Variants in MAF observed in about 807,000 individuals in gnomAD.
MAF encodes MAF bZIP transcription factor, also known as transcription factor Maf.
MAF carries 10 observed loss-of-function variants against 22.0 expected under a neutral mutation model. The ratio of observed to expected loss-of-function variants is 0.45; its 90% CI spans 0.28 to 0.77. The LOEUF (loss-of-function observed/expected upper bound fraction) is 0.77, where lower values mean the gene tolerates loss of function less well. Ranked by LOEUF, MAF falls within the 30% of genes least tolerant of loss-of-function variation. MAF has a pLI of 0.12. For synonymous variants in MAF, 337 were observed against 255.8 expected, an observed-to-expected ratio of 1.32 and a Z score of -3.03; for missense variants, 544 against 548.4, an observed-to-expected ratio of 0.99 and a Z score of 0.08.
the MAF span, among the ~76,000 whole-genome samples, chr16:79,344,177 A>G: frequency 2.0e-4 from 30 of 152,266 alleles, no homozygotes; most frequent in African/African-American, 7.0e-4. Context: ...AGGGATGAAA[A>G]TTGCATCTAT....
At chr16:79,480,737 G>C in the MAF span, among the ~76,000 whole-genome samples, 1 of 152,148 alleles carries the variant, frequency 6.6e-6, no homozygotes, top group African/African-American at 2.4e-5. Context: ...TGAACCAAAG[G>C]CTATGTCCCA....
chr16:79,530,714 T>A, the MAF span, among the ~76,000 whole-genome samples: 16 of 152,228 alleles, frequency 1.1e-4, no homozygotes, highest in Non-Finnish European at 2.1e-4. Flanking sequence ...TTGTGAACTT[T>A]CTCTAATGGA....
the MAF span, among the ~76,000 whole-genome samples, chr16:79,377,719 G>T: frequency 6.6e-6 from 1 of 152,202 alleles, no homozygotes; most frequent in East Asian, 1.9e-4. Context: ...GTGTAAGGAA[G>T]AGGTCGAGTT....
the MAF span, among the ~76,000 whole-genome samples, chr16:79,554,334 T>A: frequency 6.6e-6 from 1 of 152,186 alleles, no homozygotes; most frequent in Non-Finnish European, 1.5e-5. Flanking sequence ...TATCCATGTC[T>A]GCTGGTCTCT....
At chr16:79,478,818 G>T in the MAF span, among the ~76,000 whole-genome samples, 1 of 151,906 alleles carries the variant, frequency 6.6e-6, no homozygotes, top group African/African-American at 2.4e-5. Context: ...CACCACCCTG[G>T]CATACCTGTA....
At chr16:79,283,210 A>G in the MAF span, among the ~76,000 whole-genome samples, 3 of 152,186 alleles carry the variant, frequency 2.0e-5, no homozygotes, top group African/African-American at 7.2e-5. Context: ...GAATGGATGA[A>G]TGGATAGGGT....
At chr16:79,411,366 A>G in the MAF span, among the ~76,000 whole-genome samples, 2 of 152,158 alleles carry the variant, frequency 1.3e-5, no homozygotes, top group African/African-American at 4.8e-5. Context: ...TAATTCCTGT[A>G]TTATGAACAC....
At chr16:79,365,728 C>A in the MAF span, among the ~76,000 whole-genome samples, 2 of 152,022 alleles carry the variant, frequency 1.3e-5, no homozygotes, top group Non-Finnish European at 2.9e-5. Context: ...ATCTTCAAGA[C>A]CATGCCACAA....
chr16:79,356,248 C>G, the MAF span, among the ~76,000 whole-genome samples: 1 of 152,082 alleles, frequency 6.6e-6, no homozygotes, highest in Non-Finnish European at 1.5e-5. Flanking sequence ...CATGCTATAC[C>G]CTGCCATCAC....
At chr16:79,493,499 G>C in the MAF span, among the ~76,000 whole-genome samples, 1 of 152,204 alleles carries the variant, frequency 6.6e-6, no homozygotes, top group African/African-American at 2.4e-5. Flanking sequence ...ATTTTTAGTA[G>C]AGACAGGTTT....
the MAF span, among the ~76,000 whole-genome samples, chr16:79,438,009 T>A: frequency 6.6e-6 from 1 of 152,206 alleles, no homozygotes; most frequent in Non-Finnish European, 1.5e-5. Flanking sequence ...CCGGGGCTAC[T>A]ACTGAGCATA....
the MAF span, among the ~76,000 whole-genome samples, chr16:79,339,837 A>G: frequency 1.3e-5 from 2 of 152,214 alleles, no homozygotes; most frequent in African/African-American, 4.8e-5. Flanking sequence ...TAACAAGATT[A>G]TCTCTTTGAG....
the MAF span, chr16:79,211,666 G>C: frequency 9.3e-6 from 15 of 1,614,208 alleles, no homozygotes; most frequent in Non-Finnish European, 1.3e-5. Flanking sequence ...GAGGGTCTGG[G>C]AGGGATGTAC....
At chr16:79,293,743 G>A in the MAF span, among the ~76,000 whole-genome samples, 1 of 151,962 alleles carries the variant, frequency 6.6e-6, no homozygotes, top group Non-Finnish European at 1.5e-5. Flanking sequence ...AAGGGGAAAG[G>A]CAACTTTATC....
the MAF span, among the ~76,000 whole-genome samples, chr16:79,222,684 T>A: frequency 3.3e-5 from 5 of 151,948 alleles, no homozygotes; most frequent in African/African-American, 1.2e-4. Flanking sequence ...ACAGGAAGAT[T>A]TACCAAGCAA....
the MAF span, among the ~76,000 whole-genome samples, chr16:79,508,369 C>T: frequency 6.6e-6 from 1 of 152,180 alleles, no homozygotes; most frequent in Non-Finnish European, 1.5e-5. Flanking sequence ...CTCCTTCCCT[C>T]TCTGTGGGGT....
the MAF span, among the ~76,000 whole-genome samples, chr16:79,573,286 C>T: frequency 6.6e-6 from 1 of 152,228 alleles, no homozygotes; most frequent in African/African-American, 2.4e-5. Flanking sequence ...TGTCATCAAA[C>T]TTACCGAGCC....
chr16:79,535,003 A>G, the MAF span, among the ~76,000 whole-genome samples: 2 of 152,338 alleles, frequency 1.3e-5, no homozygotes, highest in Admixed American at 1.3e-4. Context: ...GGATTAGGTA[A>G]ACTGCTCTTA....
the MAF span, among the ~76,000 whole-genome samples, chr16:79,565,483 G>C: frequency 6.6e-6 from 1 of 150,956 alleles, no homozygotes; most frequent in Non-Finnish European, 1.5e-5. Context: ...TTGAACTGTA[G>C]GTCCCACAAT....
Sources: gnomAD v4.1 joint callset for allele counts (sites outside exome capture counted in the v4.1 genomes callset) on GRCh38, gnomAD v4.1.1 for gene constraint, MANE v1.5 for transcripts, NCBI Gene and HGNC (gene_info 2026-07-23, HGNC 2026-07-21) for gene names.